Variants in RXFP1 observed in about 807,000 individuals in gnomAD.
The protein encoded by RXFP1 is relaxin receptor 1.
RXFP1 carries 73 observed loss-of-function variants against 89.8 expected under a neutral mutation model. The ratio of observed to expected loss-of-function variants is 0.81; its 90% CI spans 0.67 to 0.99. RXFP1 has a LOEUF of 0.99. Among genes scored for constraint, RXFP1 ranks in the 50% least tolerant of loss-of-function variants. RXFP1 has a pLI of 0.00. For missense variants in RXFP1, 793 were observed against 895.5 expected (o/e 0.89, Z 1.46); for synonymous variants, 277 against 305.5 (o/e 0.91, Z 0.97).
chr4:158,541,366 A>ACACACACG (rs1746587755), intron 1 of RXFP1, among the ~76,000 whole-genome samples: 1 of 151,406 alleles, frequency 6.6e-6, no homozygotes, highest in Admixed American at 6.6e-5. Flanking sequence ...ACACACACAC[A>ACACACACG]CACACACACA....
At chr4:158,641,733 G>A (rs10857317) in intron 14 of RXFP1, among the ~76,000 whole-genome samples, 137,235 of 152,248 alleles carry the variant, frequency 0.9, 63,492 homozygotes, top group East Asian at 1. Context: ...CAGAACACAT[G>A]GCTTTATAGA....
At chr4:158,542,065 A>C (rs1490717810) in intron 1 of RXFP1, among the ~76,000 whole-genome samples, 2 of 117,032 alleles carry the variant, frequency 1.7e-5, no homozygotes, top group Non-Finnish European at 3.5e-5. Flanking sequence ...GACTACAGGC[A>C]GGCGCCACCA....
intron 1 of RXFP1, chr4:158,544,481 G>T: frequency 1.3e-5 from 6 of 455,282 alleles, no homozygotes; most frequent in Non-Finnish European, 1.7e-5. Context: ...TAAGTTTTAG[G>T]GTACATGTGC....
chr4:158,530,796 G>A (rs1229648981), intron 1 of RXFP1, among the ~76,000 whole-genome samples: 1 of 152,188 alleles, frequency 6.6e-6, no homozygotes, highest in Non-Finnish European at 1.5e-5. Context: ...GGAAAGGAAA[G>A]AGGGATTGTT....
Position 158,593,575 on chromosome 4 carries a change from TA to T in RXFP1, c.286+83del, listed in dbSNP as rs572248331. The stretch of plus-strand genomic sequence containing the variant: ...TTTTTAAAAGTTTGATTCAACATTT[TA>T]AAAAAAGATTGCATCTCAATCTGGA... On this transcript the variant is annotated intron_variant, in intron 3 of 17. Coordinates refer to ENST00000307765, the MANE Select transcript of RXFP1 (RefSeq NM_021634.4). 1.9e-5 allele frequency: 14 copies of T among 725,260 alleles called. No homozygotes were observed. In the South Asian group the frequency reaches 3.3e-4, roughly 17 times the overall value. The allele number at this position is 725,260 out of a possible 1,614,324, so 44.9% of individuals were successfully genotyped here. A position where few individuals can be genotyped will look rare whatever the true frequency, so the allele number is the denominator to read the frequency against.
chr4:158,547,323 A>G (rs1363897132), intron 1 of RXFP1, among the ~76,000 whole-genome samples: 2 of 151,610 alleles, frequency 1.3e-5, no homozygotes, highest in Admixed American at 1.3e-4. Context: ...TATTGCATCT[A>G]TTTGATTCTT....
chr4:158,647,346 T>C, intron 16 of RXFP1, 145 bp downstream of exon 16: 1 of 638,710 alleles, frequency 1.6e-6, no homozygotes, highest in Non-Finnish European at 2.6e-6. Flanking sequence ...AATTCCAACC[T>C]GACACAGCTT....
chr4:158,646,643 AAAT>A, intron 15 of RXFP1, 145 bp from the exon 16 acceptor site: 1 of 1,431,854 alleles, frequency 7.0e-7, no homozygotes, highest in Non-Finnish European at 9.1e-7. Context: ...CCTCATCTGT[AAAT>A]GAATTATTAG....
At chr4:158,608,083 G>A in intron 6 of RXFP1, 40 bp downstream of exon 6, 2 of 1,339,252 alleles carry the variant, frequency 1.5e-6, no homozygotes, top group Non-Finnish European at 2.1e-6. Flanking sequence ...TTCCATGGTA[G>A]TCTGACAGCC....
intron 1 of RXFP1, among the ~76,000 whole-genome samples, chr4:158,527,564 A>AAAATATATATATATATATATATAT (rs5741905): frequency 2.3e-4 from 23 of 98,324 alleles, no homozygotes; most frequent in African/African-American, 6.3e-4. Flanking sequence ...AAAAAAAAAA[A>AAAATATATATATATATATATATAT]ATATATATAT....
chr4:158,632,017 G>A lies in RXFP1; in HGVS notation c.900-1388G>A, dbSNP rs950846981. 2.6e-5 allele frequency among the ~76,000 whole-genome samples: 4 copies of A among 152,124 alleles called. 1 individual carries two copies. Among genetic ancestry groups the A allele is most frequent in the Non-Finnish European group, 4.4e-5 (3 of 68,028 alleles). On this transcript the variant is annotated intron_variant, in intron 11 of 17. Transcript: ENST00000307765. ...CTGAGGCGGGAGCATGCTTAAGCCCGGGAGGTGGAGGTTGCAGTGAGCCGT... is the reference window on the plus strand; with the variant it reads ...CTGAGGCGGGAGCATGCTTAAGCCCAGGAGGTGGAGGTTGCAGTGAGCCGT...
At chr4:158,644,258 A>G (rs13141628) in intron 14 of RXFP1, among the ~76,000 whole-genome samples, 136,893 of 151,890 alleles carry the variant, frequency 0.9, 63,321 homozygotes, top group East Asian at 1. Context: ...ATATTAGCCA[A>G]GATGGTCTCA....
At chr4:158,599,543 AT>A in intron 4 of RXFP1, 112 bp downstream of exon 4, 1 of 867,234 alleles carries the variant, frequency 1.2e-6, no homozygotes, top group Non-Finnish European at 1.7e-6. Flanking sequence ...AGATGATGTC[AT>A]TTTTCCTGGG....
intron 1 of RXFP1, among the ~76,000 whole-genome samples, chr4:158,532,514 G>A (rs775600543): frequency 1.6e-4 from 24 of 152,048 alleles, no homozygotes; most frequent in Non-Finnish European, 2.9e-4. Flanking sequence ...ATGTGATTTC[G>A]GTGACAGTTT....
chr4:158,540,962 A>C (rs1164374699), intron 1 of RXFP1, among the ~76,000 whole-genome samples: 1 of 152,144 alleles, frequency 6.6e-6, no homozygotes, highest in Non-Finnish European at 1.5e-5. Flanking sequence ...AATTAAACTT[A>C]CCGGCAAGTA....
At chr4:158,541,165 A>G (rs781523401) in intron 1 of RXFP1, among the ~76,000 whole-genome samples, 122 of 152,194 alleles carry the variant, frequency 8.0e-4, no homozygotes, top group Middle Eastern at 6.8e-3. Flanking sequence ...GTCCAGAAAA[A>G]CCTTGTCAAA....
chr4:158,591,485 C>T (rs1392064982), intron 2 of RXFP1, among the ~76,000 whole-genome samples: 4 of 151,696 alleles, frequency 2.6e-5, no homozygotes, highest in African/African-American at 7.3e-5. Flanking sequence ...CAGTGGCTCA[C>T]GCCTAATAAT....
In RXFP1 at chr4:158,652,992, A is replaced by G. The variant is rs1772990511; in HGVS notation, c.*937A>G. The stretch of plus-strand genomic sequence containing the variant: ...TTATGGTGTGTGAAATATCTCAGTA[A>G]AGCAGTTAAAAGGAAAAAGAGCTGG... On this transcript the variant is annotated 3_prime_UTR_variant, in exon 18 of 18. Coordinates refer to ENST00000307765, the MANE Select transcript of RXFP1 (RefSeq NM_021634.4). 6.6e-6 allele frequency: 1 copy of G among 152,234 alleles called. No individual in the cohort carries two copies. The highest frequency in any genetic ancestry group is 2.4e-5 in the African/African-American group (1 of 41,462). The allele number at this position is 152,234 out of a possible 1,614,324, so 9.4% of individuals were successfully genotyped here.
At chr4:158,621,860 G>C (rs1189116512) in intron 9 of RXFP1, among the ~76,000 whole-genome samples, 2 of 152,212 alleles carry the variant, frequency 1.3e-5, no homozygotes, top group Non-Finnish European at 2.9e-5. Flanking sequence ...AAACCACAAT[G>C]AGGTATCACC....
Sources: gnomAD v4.1 joint callset for allele counts (sites outside exome capture counted in the v4.1 genomes callset) on GRCh38, gnomAD v4.1.1 for gene constraint, MANE v1.5 for transcripts, NCBI Gene and HGNC (gene_info 2026-07-23, HGNC 2026-07-21) for gene names.